Variants in DENND5B observed in about 807,000 individuals in gnomAD.
DENND5B encodes DENN domain-containing protein 5B.
DENND5B carries 34 observed loss-of-function variants against 140.6 expected under a neutral mutation model. The ratio of observed to expected loss-of-function variants is 0.24; its 90% CI spans 0.18 to 0.32. The LOEUF is 0.32. Among genes scored for constraint, DENND5B ranks in the 10% least tolerant of loss-of-function variants. DENND5B has a pLI of 1.00. For synonymous variants in DENND5B, 551 were observed against 562.1 expected (o/e 0.98, Z 0.28); for missense variants, 1,142 against 1,560.2 (o/e 0.73, Z 4.52).
At position 31,424,795 on chromosome 12, in the gene DENND5B, G is replaced by T. The variant is rs192036972; in HGVS notation, c.2239-108C>A. ...GTTTCCCTTCATTATACTTCTATTT[G>T]CAGATTTGTAATCACCTTGGGAAAA... On this transcript the variant is annotated intron_variant, in intron 9 of 20. Coordinates refer to ENST00000389082, the MANE Select transcript of DENND5B (RefSeq NM_144973.4). The T allele has an allele frequency of 1.7e-4, 234 of 1,407,140 alleles. 1 individual carries two copies. Among genetic ancestry groups the T allele is most frequent in the Admixed American group, 7.6e-4 (33 of 43,530 alleles). The allele number at this position is 1,407,140 out of a possible 1,614,324, so 87.2% of individuals were successfully genotyped here. A position where few individuals can be genotyped will look rare whatever the true frequency, so the allele number is the denominator to read the frequency against.
chr12:31,409,151 G>A, intron 14 of DENND5B, 112 bp downstream of exon 14: 1 of 1,148,488 alleles, frequency 8.7e-7, no homozygotes, highest in African/African-American at 1.6e-5. Context: ...AGAGACCTGG[G>A]CGTATGTCAC....
chr12:31,501,637 G>A (rs1055748559), intron 1 of DENND5B, among the ~76,000 whole-genome samples: 1 of 152,008 alleles, frequency 6.6e-6, no homozygotes, highest in Non-Finnish European at 1.5e-5. Flanking sequence ...ACCAGGCATG[G>A]TGGTGCATGC....
chr12:31,578,439 T>C lies in DENND5B; in HGVS notation c.127+12267A>G, dbSNP rs563510398. On this transcript the variant is annotated intron_variant, in intron 1 of 20. Transcript: ENST00000389082. ...ATTCCTAAAAGGCTTTATTAATATG[T>C]GGAAACTATTCATAGCTCATCAGTA... Among the ~76,000 whole-genome samples, 3 of 152,340 alleles carry C rather than the reference T, an allele frequency of 2.0e-5. No individual in the cohort carries two copies. The East Asian group carries it at 5.8e-4, about 29-fold the overall frequency.
At chr12:31,477,859 A>C (rs373873349) in intron 3 of DENND5B, 2 of 224,352 alleles carry the variant, frequency 8.9e-6, no homozygotes, top group East Asian at 2.2e-4. Flanking sequence ...GTCAGTAAGA[A>C]TCAAGCCCCT....
chr12:31,539,133 T>C (rs1455842870), intron 1 of DENND5B, among the ~76,000 whole-genome samples: 2 of 151,978 alleles, frequency 1.3e-5, no homozygotes, highest in Admixed American at 1.3e-4. Flanking sequence ...TGAGAAAATC[T>C]AGAGAAAATG....
At chr12:31,493,724 G>C (rs1032421331) in intron 2 of DENND5B, among the ~76,000 whole-genome samples, 1 of 152,126 alleles carries the variant, frequency 6.6e-6, no homozygotes, top group Non-Finnish European at 1.5e-5. Context: ...TCAGCTACTC[G>C]GGAGGCTGAG....
chr12:31,404,872 G>C (rs1252919252), intron 14 of DENND5B, among the ~76,000 whole-genome samples: 1 of 145,906 alleles, frequency 6.9e-6, no homozygotes, highest in East Asian at 2.0e-4. Flanking sequence ...CGATTCTCCT[G>C]CCTCAGCCTC....
chr12:31,416,977 G>A (rs1942777949), intron 11 of DENND5B, among the ~76,000 whole-genome samples: 1 of 135,002 alleles, frequency 7.4e-6, no homozygotes, highest in Non-Finnish European at 1.5e-5. Context: ...TGTAGCACCA[G>A]TTGCTTGGGA....
At chr12:31,519,582 AAAG>A (rs1221716639) in intron 1 of DENND5B, among the ~76,000 whole-genome samples, 5 of 152,200 alleles carry the variant, frequency 3.3e-5, no homozygotes, top group South Asian at 2.1e-4. Context: ...AGTACTCACA[AAAG>A]AAGGCCATTA....
rs10658867 is a variant in DENND5B at position 31,443,054 on chromosome 12, G to GTT, written c.1862-130_1862-129insAA. The GTT allele has an allele frequency of 9.3e-4, 769 of 826,484 alleles. 7 individuals carry two copies. The Admixed American group carries it at 0.01, about 11-fold the overall frequency. The allele number at this position is 826,484 out of a possible 1,614,324, so 51.2% of individuals were successfully genotyped here. On this transcript the variant is annotated intron_variant, in intron 6 of 20. Transcript: ENST00000389082. ...ACTCTGAAACAGATATTGTGTGTGT[G>GTT]TGTGTGTGTGCACGCACGCACGCAT...
chr12:31,521,723 G>C (rs920026802), intron 1 of DENND5B, among the ~76,000 whole-genome samples: 1 of 151,934 alleles, frequency 6.6e-6, no homozygotes, highest in African/African-American at 2.4e-5. Flanking sequence ...GCTTCCCCTA[G>C]CCATTTAAGT....
chr12:31,427,681 G>C (rs1307390860), intron 8 of DENND5B, among the ~76,000 whole-genome samples: 1 of 151,878 alleles, frequency 6.6e-6, no homozygotes, highest in Non-Finnish European at 1.5e-5. Flanking sequence ...AAAAGTCCAA[G>C]TGACTTAGGA....
At chr12:31,514,955 C>G (rs533871719) in intron 1 of DENND5B, among the ~76,000 whole-genome samples, 2 of 148,696 alleles carry the variant, frequency 1.3e-5, no homozygotes, top group South Asian at 4.3e-4. Context: ...TTTTTCTCTA[C>G]AAAAAAAAAA....
chr12:31,548,809 C>T (rs1948944457), intron 1 of DENND5B, among the ~76,000 whole-genome samples: 1 of 152,158 alleles, frequency 6.6e-6, no homozygotes, highest in African/African-American at 2.4e-5. Context: ...CTACAGTCCC[C>T]ATATGCAGAG....
intron 16 of DENND5B, among the ~76,000 whole-genome samples, chr12:31,398,769 A>C (rs1017399349): frequency 6.6e-6 from 1 of 152,060 alleles, no homozygotes; most frequent in African/African-American, 2.4e-5. Context: ...TCTGAGAGTT[A>C]TATTAATCTT....
chr12:31,529,601 G>A (rs1948210164), intron 1 of DENND5B, among the ~76,000 whole-genome samples: 1 of 152,104 alleles, frequency 6.6e-6, no homozygotes. Flanking sequence ...AAGGTGGGGG[G>A]ATCGCTTGAG....
chr12:31,589,127 T>G (rs1208344536), intron 1 of DENND5B, among the ~76,000 whole-genome samples: 1 of 152,234 alleles, frequency 6.6e-6, no homozygotes, highest in Non-Finnish European at 1.5e-5. Flanking sequence ...TTCCTTTCAT[T>G]AGTCATCACT....
At chr12:31,494,027 T>C (rs916975881) in intron 2 of DENND5B, among the ~76,000 whole-genome samples, 1 of 152,152 alleles carries the variant, frequency 6.6e-6, no homozygotes, top group African/African-American at 2.4e-5. Context: ...ATAGAGTTTA[T>C]GAACATCTCA....
At chr12:31,519,076 C>T (rs2138986066) in intron 1 of DENND5B, among the ~76,000 whole-genome samples, 2 of 152,300 alleles carry the variant, frequency 1.3e-5, no homozygotes, top group South Asian at 4.1e-4. Context: ...GGCCTAGCTT[C>T]TTTTCTGTGC....
Sources: allele counts gnomAD v4.1 joint callset (sites outside exome capture counted in the v4.1 genomes callset), GRCh38; gene constraint gnomAD v4.1.1; transcripts MANE v1.5; gene names NCBI Gene and HGNC (gene_info 2026-07-23, HGNC 2026-07-21).